The following ADGRE1 variants were observed in gnomAD, a reference collection of about 807,000 sequenced individuals.
The protein encoded by ADGRE1 is EGF-like module receptor 1.
In ADGRE1, 82 loss-of-function variants were observed where a neutral mutation model predicts 102.7. The ratio of observed to expected loss-of-function variants is 0.80; its 90% CI spans 0.67 to 0.96. The LOEUF is 0.96. Among genes scored for constraint, ADGRE1 ranks in the 40% least tolerant of loss-of-function variants. ADGRE1 has a pLI of 0.00. For missense variants in ADGRE1, 1,032 were observed against 1,085.3 expected, an observed-to-expected ratio of 0.95 and a Z score of 0.69; for synonymous variants, 398 against 399.6, an observed-to-expected ratio of 1.00 and a Z score of 0.05.
chr19:6,913,625 G>A (rs1482036529), intron 10 of ADGRE1, 28 bp from the exon 11 acceptor site: 3 of 1,538,148 alleles, frequency 2.0e-6, no homozygotes, highest in Non-Finnish European at 2.6e-6. Context: ...GAGAGAGAGA[G>A]AATGAACAAA....
At position 6,888,808 on chromosome 19, in the gene ADGRE1, A is replaced by G. The variant is rs977429874; in HGVS notation, c.31+1169A>G. On this transcript the variant is annotated intron_variant, in intron 1 of 20. Transcript: ENST00000312053. ...TGGGACTTGTTGACTGGCAGGCTAC[A>G]TTAGAAGAAATAGGTGGCCTGTGGA... 1.3e-4 allele frequency among the ~76,000 whole-genome samples: 20 copies of G among 152,354 alleles called. No homozygotes were observed. The South Asian group carries it at 3.7e-3, about 28-fold the overall frequency.
intron 18 of ADGRE1, among the ~76,000 whole-genome samples, chr19:6,935,567 G>A (rs1001240487): frequency 1.3e-4 from 20 of 152,178 alleles, no homozygotes; most frequent in African/African-American, 3.6e-4. Flanking sequence ...TAAATTTGTA[G>A]CACATTGTAT....
At chr19:6,936,916 C>A (rs1975434947) in intron 18 of ADGRE1, among the ~76,000 whole-genome samples, 1 of 152,138 alleles carries the variant, frequency 6.6e-6, no homozygotes, top group African/African-American at 2.4e-5. Context: ...CACCACCACA[C>A]CCAGCTAATT....
At position 6,916,171 on chromosome 19, in the gene ADGRE1, A is replaced by G. The variant is rs371694498; in HGVS notation, c.1301-78A>G. On this transcript the variant is annotated intron_variant, in intron 11 of 20. Transcript: ENST00000312053. ...CCTTTGCTCGCCATGATGGAGGTGT[A>G]CCTTTTTTTGGACAGAAACCAAATT... is the stretch of plus-strand genomic sequence containing the variant. 16 of 1,524,126 alleles carry G rather than the reference A, an allele frequency of 1.0e-5. No homozygotes were observed. In the East Asian group the frequency reaches 1.2e-4, roughly 11 times the overall value. 94.4% of individuals were successfully genotyped at this position (1,524,126 alleles called of 1,614,324 possible).
chr19:6,892,719 G>A (rs1198999033), intron 2 of ADGRE1, among the ~76,000 whole-genome samples: 1 of 152,200 alleles, frequency 6.6e-6, no homozygotes, highest in African/African-American at 2.4e-5. Flanking sequence ...CTCAGTGTCC[G>A]TCAACAGATG....
Position 6,940,251 on chromosome 19 carries a change from T to C in ADGRE1, c.*222T>C, listed in dbSNP as rs2145051830. On this transcript the variant is annotated 3_prime_UTR_variant, in exon 21 of 21. Coordinates refer to ENST00000312053, the MANE Select transcript of ADGRE1 (RefSeq NM_001974.5). ...CCAAACGACCATTTTATCTTCGTGC[T>C]CTGCAACTTCTTCAATTCCAGAGTT... is the stretch of plus-strand genomic sequence containing the variant. The C allele has an allele frequency of 3.4e-6, 2 of 596,574 alleles. No individual in the cohort carries two copies. The highest frequency in any genetic ancestry group is 5.6e-5 in the East Asian group (2 of 35,748). The allele number at this position is 596,574 out of a possible 1,614,324, so 37.0% of individuals were successfully genotyped here.
rs142642086 is a variant in ADGRE1, at chr19:6,897,351, C to T, written c.394+47C>T. Reference sequence around the variant, plus strand: ...GGATGGGTCTTGGGTGGATATCTATCAGTGGGGTGAGTTCATGTATTTCTG... The same window carrying T: ...GGATGGGTCTTGGGTGGATATCTATTAGTGGGGTGAGTTCATGTATTTCTG... On this transcript the variant is annotated intron_variant, in intron 4 of 20. Coordinates refer to ENST00000312053, the MANE Select transcript of ADGRE1 (RefSeq NM_001974.5). 5.2e-4 allele frequency: 842 copies of T among 1,611,168 alleles called. 5 individuals are homozygous for T. In the African/African-American group the frequency reaches 9.8e-3, roughly 19 times the overall value.
At chr19:6,930,297 C>T (rs1214838813) in intron 17 of ADGRE1, among the ~76,000 whole-genome samples, 1 of 152,108 alleles carries the variant, frequency 6.6e-6, no homozygotes, top group Non-Finnish European at 1.5e-5. Flanking sequence ...CAAAGGGAGG[C>T]CAGGGAATGT....
chr19:6,901,140 G>A (rs534533094), intron 5 of ADGRE1, among the ~76,000 whole-genome samples: 28 of 152,316 alleles, frequency 1.8e-4, no homozygotes, highest in Non-Finnish European at 3.2e-4. Flanking sequence ...TGACCAGATG[G>A]TGCACACATC....
chr19:6,931,079 C>G (rs2145017828), intron 17 of ADGRE1, among the ~76,000 whole-genome samples: 1 of 152,048 alleles, frequency 6.6e-6, no homozygotes, highest in South Asian at 2.1e-4. Flanking sequence ...CCCCACCCAC[C>G]CCTTCACTAT....
chr19:6,897,855 A>G (rs1973620194), intron 5 of ADGRE1: 1 of 199,364 alleles, frequency 5.0e-6, no homozygotes, highest in Non-Finnish European at 1.0e-5. Context: ...GTTAATATTG[A>G]TATTTGAGGG....
chr19:6,927,300 T>C (rs370550655), intron 16 of ADGRE1, among the ~76,000 whole-genome samples: 1 of 45,320 alleles, frequency 2.2e-5, no homozygotes, highest in Non-Finnish European at 4.1e-5. Flanking sequence ...TCCCTCCCTC[T>C]CTTCCTCCCT....
At chr19:6,903,663 C>T in intron 6 of ADGRE1, 147 bp from the exon 7 acceptor site, 1 of 999,336 alleles carries the variant, frequency 1.0e-6, no homozygotes, top group Non-Finnish European at 1.5e-6. Flanking sequence ...CACATGACCT[C>T]ACCTAGATGC....
At chr19:6,890,621 G>A (rs968420274) in intron 2 of ADGRE1, 78 bp downstream of exon 2, 7 of 1,488,922 alleles carry the variant, frequency 4.7e-6, no homozygotes, top group African/African-American at 1.4e-5. Context: ...CCAGGAAGCT[G>A]AGCCTCATCC....
chr19:6,919,442 C>CTGTGTGAGTGTGTGTG (rs1974539796), intron 12 of ADGRE1, 106 bp from the exon 13 acceptor site: 1 of 402,780 alleles, frequency 2.5e-6, no homozygotes, highest in African/African-American at 2.6e-5. Flanking sequence ...CTCCCTCCCT[C>CTGTGTGAGTGTGTGTG]TGTGTGTGTG....
intron 5 of ADGRE1, among the ~76,000 whole-genome samples, chr19:6,900,880 T>A (rs1485547195): frequency 6.6e-6 from 1 of 152,218 alleles, no homozygotes; most frequent in Admixed American, 6.5e-5. Context: ...AACCACCATA[T>A]ATTTAGCGCT....
chr19:6,926,544 T>A lies in ADGRE1; in HGVS notation c.2165T>A (p.Met722Lys). The A allele has an allele frequency of 6.2e-7, 1 of 1,614,248 alleles. No homozygotes were observed. The highest frequency in any genetic ancestry group is 8.5e-7 in the Non-Finnish European group (1 of 1,180,046). Residue 722 changes from methionine (M) to lysine (K), a missense_variant, in exon 16 of 21, where the codon ATG becomes AAG. Coordinates refer to ENST00000312053, the MANE Select transcript of ADGRE1 (RefSeq NM_001974.5). ...TGTGCCTTTGGTTATGGGCTGCCGA[T>A]GCTGGTGGTGGTGATCTCTGCCAGT... ...HICAFGYGLP[M>K]LVVVISASVQ...
rs1974786103 is a variant in ADGRE1, at chr19:6,924,170, C to A, written c.1792-508C>A. On this transcript the variant is annotated intron_variant, in intron 14 of 20. Transcript: ENST00000312053. ...GGATGGAGGAGTTGAAGTCAGGGGG[C>A]TGTCACTTCAATTTTGGCTTCAAGG... 2.6e-5 allele frequency among the ~76,000 whole-genome samples: 4 copies of A among 151,670 alleles called. No individual in the cohort carries two copies. The South Asian group carries it at 8.3e-4, about 32-fold the overall frequency.
At chr19:6,926,754 T>G (rs748466105) in intron 16 of ADGRE1, among the ~76,000 whole-genome samples, 153 bp downstream of exon 16, 1 of 152,340 alleles carries the variant, frequency 6.6e-6, no homozygotes, top group Non-Finnish European at 1.5e-5. Context: ...AGGACCACCA[T>G]GTACAGCAGC....
Sources: gnomAD v4.1 joint callset for allele counts (sites outside exome capture counted in the v4.1 genomes callset) on GRCh38, gnomAD v4.1.1 for gene constraint, MANE v1.5 for transcripts, NCBI Gene and HGNC (gene_info 2026-07-23, HGNC 2026-07-21) for gene names.